Variants in AMD1 observed in about 807,000 individuals in gnomAD.
AMD1 encodes the protein adenosylmethionine decarboxylase 1, also known as S-adenosylmethionine decarboxylase proenzyme.
In AMD1, 11 loss-of-function variants were observed where a neutral mutation model predicts 40.2. The ratio of observed to expected loss-of-function variants is 0.27; its 90% CI spans 0.17 to 0.45. The LOEUF (loss-of-function observed/expected upper bound fraction) is 0.45. Ranked by LOEUF, AMD1 falls within the 20% of genes least tolerant of loss-of-function variation. The pLI, the probability that AMD1 is intolerant of heterozygous loss-of-function variation, is 1.00. For missense variants in AMD1, 257 were observed against 410.2 expected (o/e 0.63, Z 3.23); for synonymous variants, 121 against 130.8 (o/e 0.93, Z 0.51).
intron 8 of AMD1, 106 bp from the exon 9 acceptor site, chr6:110,893,370 C>T (rs1786139832): frequency 2.1e-6 from 3 of 1,448,386 alleles, no homozygotes; most frequent in Non-Finnish European, 1.9e-6. Context: ...TAAAATAACT[C>T]AGATGTCTTA....
the AMD1 span, among the ~76,000 whole-genome samples, chr6:110,818,247 G>A: frequency 1.3e-5 from 2 of 152,220 alleles, no homozygotes; most frequent in South Asian, 4.1e-4. Context: ...TGCCCTGAAT[G>A]TACACTCCAA....
chr6:110,874,588 C>G (rs1271889084), upstream of AMD1, among the ~76,000 whole-genome samples: 6 of 152,242 alleles, frequency 3.9e-5, no homozygotes, highest in African/African-American at 1.2e-4. Context: ...ACTCAGGAGC[C>G]GGCCAGAGCC....
chr6:110,880,693 C>T (rs1168614655), intron 1 of AMD1, among the ~76,000 whole-genome samples: 5 of 152,026 alleles, frequency 3.3e-5, no homozygotes. Flanking sequence ...TTTTGAGACA[C>T]GCTTGTCTTG....
chr6:110,825,600 A>G, the AMD1 span, among the ~76,000 whole-genome samples: 1 of 152,356 alleles, frequency 6.6e-6, no homozygotes, highest in Middle Eastern at 3.4e-3. Flanking sequence ...AGTAAGTATA[A>G]GAGGGCTTCC....
chr6:110,876,552 G>A (rs530359116), intron 1 of AMD1, among the ~76,000 whole-genome samples: 17 of 152,292 alleles, frequency 1.1e-4, no homozygotes, highest in African/African-American at 3.6e-4. Flanking sequence ...GTTTCTAGCA[G>A]TGTATCTTGA....
upstream of AMD1, among the ~76,000 whole-genome samples, chr6:110,872,269 G>A (rs73766056): frequency 3.9e-5 from 6 of 152,292 alleles, no homozygotes; most frequent in African/African-American, 1.4e-4. Context: ...GGGAAGCAGA[G>A]AAATTCGGTG....
the AMD1 span, among the ~76,000 whole-genome samples, chr6:110,839,277 T>C: frequency 6.6e-6 from 1 of 151,782 alleles, no homozygotes. Flanking sequence ...AGGCAAGGAG[T>C]GAAAAGGGAA....
At chr6:110,844,872 T>C in the AMD1 span, among the ~76,000 whole-genome samples, 1 of 152,116 alleles carries the variant, frequency 6.6e-6, no homozygotes. Flanking sequence ...GTCTCAAGGT[T>C]CTGCAGACAG....
At chr6:110,883,885 C>T (rs1785542728) in intron 1 of AMD1, among the ~76,000 whole-genome samples, 1 of 152,138 alleles carries the variant, frequency 6.6e-6, no homozygotes, top group South Asian at 2.1e-4. Context: ...GCCACTGCGC[C>T]CGGCCAAAGC....
chr6:110,833,800 G>C, the AMD1 span, among the ~76,000 whole-genome samples: 1 of 152,118 alleles, frequency 6.6e-6, no homozygotes, highest in African/African-American at 2.4e-5. Context: ...GATTGTTTGA[G>C]CTCAGGAGTT....
chr6:110,875,013 G>A lies in AMD1; in HGVS notation c.-93G>A. On this transcript the variant is annotated 5_prime_UTR_variant, in exon 1 of 9. Transcript: ENST00000368885. ...GAACCTGAACTTTAGTAACACAGCT[G>A]GAACAATCCGCAGCGGCGGCGGCAG... 1.0e-6 allele frequency: 1 copy of A among 966,674 alleles called. No individual in the cohort carries two copies. Among genetic ancestry groups the A allele is most frequent in the Non-Finnish European group, 1.6e-6 (1 of 622,268 alleles). The allele number at this position is 966,674 out of a possible 1,614,324, so 59.9% of individuals were successfully genotyped here.
chr6:110,824,372 G>C, the AMD1 span, among the ~76,000 whole-genome samples: 2 of 152,074 alleles, frequency 1.3e-5, no homozygotes, highest in African/African-American at 2.4e-5. Flanking sequence ...CTAAGCTATG[G>C]GTACACAAAG....
At chr6:110,857,416 C>G in the AMD1 span, among the ~76,000 whole-genome samples, 7 of 151,656 alleles carry the variant, frequency 4.6e-5, no homozygotes, top group African/African-American at 1.7e-4. Flanking sequence ...CCTATAATCC[C>G]AGCTACTCGG....
At chr6:110,884,492 G>A (rs1022401581) in intron 1 of AMD1, among the ~76,000 whole-genome samples, 4 of 152,096 alleles carry the variant, frequency 2.6e-5, no homozygotes, top group Non-Finnish European at 4.4e-5. Context: ...GGAGTGTAGC[G>A]GTGTGATCAT....
At chr6:110,842,134 T>C in the AMD1 span, among the ~76,000 whole-genome samples, 1 of 152,178 alleles carries the variant, frequency 6.6e-6, no homozygotes, top group African/African-American at 2.4e-5. Context: ...CCTGGGTTCA[T>C]AGCCCAGACT....
chr6:110,841,339 A>G, the AMD1 span, among the ~76,000 whole-genome samples: 1 of 152,226 alleles, frequency 6.6e-6, no homozygotes, highest in Non-Finnish European at 1.5e-5. Context: ...TGTGCTAATA[A>G]TTCTTTGTTA....
At chr6:110,820,432 C>G in the AMD1 span, among the ~76,000 whole-genome samples, 1 of 151,846 alleles carries the variant, frequency 6.6e-6, no homozygotes, top group Non-Finnish European at 1.5e-5. Context: ...GATGGGGTTT[C>G]TCCATGTTCA....
At chr6:110,888,627 C>G (rs1222669509) in intron 2 of AMD1, 1 of 262,168 alleles carries the variant, frequency 3.8e-6, no homozygotes, top group Non-Finnish European at 7.2e-6. Flanking sequence ...TTTTTTTAAA[C>G]TAAGTTTATA....
the AMD1 span, among the ~76,000 whole-genome samples, chr6:110,824,625 T>C: frequency 6.6e-6 from 1 of 152,190 alleles, no homozygotes; most frequent in Admixed American, 6.5e-5. Flanking sequence ...CAAATTATTT[T>C]AATAAATGAT....
Sources: allele counts gnomAD v4.1 joint callset (sites outside exome capture counted in the v4.1 genomes callset), GRCh38; gene constraint gnomAD v4.1.1; transcripts MANE v1.5; gene names NCBI Gene and HGNC (gene_info 2026-07-23, HGNC 2026-07-21).